CHGB: variants seen among roughly 807,000 people sequenced by gnomAD.
CHGB encodes the protein chromogranin B, also known as secretogranin-1.
Under a neutral mutation model 69.9 loss-of-function variants are expected in CHGB, and 46 were observed. The ratio of observed to expected loss-of-function variants is 0.66; its 90% CI spans 0.52 to 0.84. The LOEUF is 0.84. Ranked by LOEUF, CHGB falls within the 40% of genes least tolerant of loss-of-function variation. The pLI is 0.00. For missense variants in CHGB, 796 were observed against 822.2 expected, an observed-to-expected ratio of 0.97 and a Z score of 0.39; for synonymous variants, 312 against 298.2, an observed-to-expected ratio of 1.05 and a Z score of -0.48.
chr20:5,916,398 T>C, intron 2 of CHGB, 26 bp downstream of exon 2: 1 of 1,591,672 alleles, frequency 6.3e-7, no homozygotes. Flanking sequence ...AATCTTAGAA[T>C]CTAGACTTGT....
intron 1 of CHGB, among the ~76,000 whole-genome samples, chr20:5,913,656 G>T (rs2088459518): frequency 8.2e-6 from 1 of 121,894 alleles, no homozygotes; most frequent in Admixed American, 9.1e-5. Context: ...TTGAGACAGA[G>T]TCTTGCTCTG....
At position 5,911,573 on chromosome 20, in the gene CHGB, G is replaced by T; in HGVS notation, c.-61G>T. ...CCGCTCCATCGCGCCTTCCTCCTGC[G>T]CCTCGCTTCTCCGGTCCAGCCGCCA... On this transcript the variant is annotated 5_prime_UTR_variant, in exon 1 of 5. Transcript: ENST00000378961. 6.7e-7 allele frequency: 1 copy of T among 1,498,962 alleles called. No homozygotes were observed. Among genetic ancestry groups the T allele is most frequent in the Non-Finnish European group, 8.9e-7 (1 of 1,123,332 alleles). The allele number at this position is 1,498,962 out of a possible 1,614,324, so 92.9% of individuals were successfully genotyped here.
intron 3 of CHGB, 128 bp from the exon 4 acceptor site, chr20:5,922,207 C>A (rs4815876): frequency 0.38 from 476,625 of 1,259,208 alleles, 92,219 homozygotes; most frequent in East Asian, 0.53. Flanking sequence ...TGAGTATATT[C>A]TTCATTAACT....
At position 5,923,699 on chromosome 20, in the gene CHGB, G is replaced by C; in HGVS notation, c.1555G>C (p.Gly519Arg). 1 of 1,614,014 alleles carries C rather than the reference G, an allele frequency of 6.2e-7. No homozygotes were observed. The highest frequency in any genetic ancestry group is 8.5e-7 in the Non-Finnish European group (1 of 1,180,016). The change falls in exon 4 of 5, where the codon GGG becomes CGG. Residue 519 changes from glycine (G) to arginine (R), a missense_variant. Transcript: ENST00000378961. ...HHTAEKRKRL[G>R]ELFNPYYDPL... ...CACAGCTGAAAAGAGGAAGAGATTA[G>C]GGGAACTGTTCAACCCATACTACGA...
At position 5,918,726 on chromosome 20, in the gene CHGB, C is replaced by G. The variant is rs534963335; in HGVS notation, c.190+1807C>G. On this transcript the variant is annotated intron_variant, in intron 3 of 4. Coordinates refer to ENST00000378961, the MANE Select transcript of CHGB (RefSeq NM_001819.3). ...ACTCAGGAGGCTGAGGCAGGAGAAT[C>G]GCTTGAGCCCAGGAGGTGGAGGTTG... Among the ~76,000 whole-genome samples, 3 of 135,444 alleles carry G rather than the reference C, an allele frequency of 2.2e-5. No homozygotes were observed. The South Asian group carries it at 7.3e-4, about 33-fold the overall frequency. The allele number at this position is 135,444 out of a possible 152,430, so 88.9% of individuals were successfully genotyped here. A position where few individuals can be genotyped will look rare whatever the true frequency, so the allele number is the denominator to read the frequency against.
At chr20:5,916,210 T>C (rs2088474467) in intron 1 of CHGB, 116 bp from the exon 2 acceptor site, 2 of 729,752 alleles carry the variant, frequency 2.7e-6, no homozygotes, top group Non-Finnish European at 4.8e-6. Flanking sequence ...TCCAAATATA[T>C]TTAAGACATT....
At position 5,923,600 on chromosome 20, in the gene CHGB, C is replaced by A. The variant is rs750406045; in HGVS notation, c.1456C>A (p.Gln486Lys). 2.5e-6 allele frequency: 4 copies of A among 1,614,076 alleles called. No homozygotes were observed. Among genetic ancestry groups the A allele is most frequent in the Non-Finnish European group, 3.4e-6 (4 of 1,180,034 alleles). Residue 486 changes from glutamine (Q) to lysine (K), a missense_variant, in exon 4 of 5, where the codon CAG becomes AAG. Transcript: ENST00000378961. ...EEGAPGKWQQ[Q>K]GDLQDTKENR... is the part of the protein sequence containing the mutation. ...AGGAGCCCCAGGGAAGTGGCAGCAGCAGGGAGACCTGCAGGACACTAAAGA... is the reference window on the plus strand; with the variant it reads ...AGGAGCCCCAGGGAAGTGGCAGCAGAAGGGAGACCTGCAGGACACTAAAGA...
chr20:5,917,992 A>G (rs2088487118), intron 3 of CHGB: 1 of 150,862 alleles, frequency 6.6e-6, no homozygotes, highest in Non-Finnish European at 1.5e-5. Flanking sequence ...AAAAAAAAAA[A>G]AAAAAATTAG....
Position 5,916,860 on chromosome 20 carries a change from C to T in CHGB, c.131C>T (p.Ala44Val), listed in dbSNP as rs571444626. Residue 44 changes from alanine to valine, a missense_variant, in exon 3 of 5, where the codon GCC (alanine) becomes GTC (valine). By Grantham distance (64) the Ala-to-Val change is moderately conservative. Coordinates refer to ENST00000378961, the MANE Select transcript of CHGB (RefSeq NM_001819.3). ...TGCATCATTGAGGTCCTCTCAAATGCCTTGTCGAAGTCCAGCGCTCCACCC... is the reference window on the plus strand; with the variant it reads ...TGCATCATTGAGGTCCTCTCAAATGTCTTGTCGAAGTCCAGCGCTCCACCC... ...TRCIIEVLSN[A>V]LSKSSAPPIT... 3.9e-5 allele frequency: 63 copies of T among 1,614,184 alleles called. No individual in the cohort carries two copies. In the South Asian group the frequency reaches 5.9e-4, roughly 15 times the overall value.
Position 5,924,082 on chromosome 20 carries a change from A to T in CHGB, c.1938A>T (p.Thr646=), listed in dbSNP as rs141361105. 1.2e-5 allele frequency: 19 copies of T among 1,610,316 alleles called. No individual in the cohort carries two copies. The African/African-American group carries it at 2.5e-4, about 22-fold the overall frequency. The part of the protein sequence containing the change: ...AENEKDRADQ[T]VLTEDEKKEL... ...ATGAAAAGGACAGGGCTGACCAGACAGTCCTGACAGAGGACGAGGTATGGT... is the reference window on the plus strand; with the variant it reads ...ATGAAAAGGACAGGGCTGACCAGACTGTCCTGACAGAGGACGAGGTATGGT... The change falls in exon 4 of 5, where the codon ACA becomes ACT. Residue 646 remains threonine (T), a synonymous_variant. Coordinates refer to ENST00000378961, the MANE Select transcript of CHGB (RefSeq NM_001819.3).
rs1344618160 is a variant in CHGB at position 5,923,116 on chromosome 20, G to T, written c.972G>T (p.Lys324Asn). Residue 324 changes from lysine to asparagine, a missense_variant, in exon 4 of 5, where the codon AAG becomes AAT. Lys to Asn is a moderately conservative substitution (Grantham distance 94). Coordinates refer to ENST00000378961, the MANE Select transcript of CHGB (RefSeq NM_001819.3). The part of the protein sequence containing the change: ...SNVSMASLGE[K>N]RDHHSTHYRA... The stretch of plus-strand genomic sequence containing the variant: ...TCAGCATGGCCAGTTTAGGGGAAAA[G>T]AGGGACCACCATTCAACCCACTACA... 2 of 1,614,194 alleles carry T rather than the reference G, an allele frequency of 1.2e-6. No individual in the cohort carries two copies. Among genetic ancestry groups the T allele is most frequent in the Non-Finnish European group, 1.7e-6 (2 of 1,180,042 alleles).
At chr20:5,922,085 A>G (rs1227980608) in intron 3 of CHGB, among the ~76,000 whole-genome samples, 1 of 152,226 alleles carries the variant, frequency 6.6e-6, no homozygotes, top group Non-Finnish European at 1.5e-5. Flanking sequence ...CATTGGTAGT[A>G]CCAATGAGAG....
rs1472297878 is a variant in CHGB, at chr20:5,922,774, AGAG to A, written c.634_636del (p.Glu212del). 1.2e-6 allele frequency: 2 copies of A among 1,614,086 alleles called. No homozygotes were observed. Among genetic ancestry groups the A allele is most frequent in the Non-Finnish European group, 1.7e-6 (2 of 1,180,044 alleles). On this transcript the variant is annotated inframe_deletion, in exon 4 of 5. Transcript: ENST00000378961. The stretch of plus-strand genomic sequence containing the variant: ...GAAAGCAGGCTTCAGCTATAAAAAA[AGAG>A]GAGTTAGTGGCCAGATCGGAAACAC...
intron 3 of CHGB, 73 bp from the exon 4 acceptor site, chr20:5,922,262 T>A: frequency 6.8e-7 from 1 of 1,471,450 alleles, no homozygotes; most frequent in Non-Finnish European, 9.0e-7. Flanking sequence ...GGATTTGTAG[T>A]GATTACTGAG....
Position 5,911,546 on chromosome 20 carries a change from G to T in CHGB, c.-88G>T. 6 of 1,393,586 alleles carry T rather than the reference G, an allele frequency of 4.3e-6. No individual in the cohort carries two copies. The highest frequency in any genetic ancestry group is 5.8e-6 in the Non-Finnish European group (6 of 1,031,622). The allele number at this position is 1,393,586 out of a possible 1,614,324, so 86.3% of individuals were successfully genotyped here. A position where few individuals can be genotyped will look rare whatever the true frequency, so the allele number is the denominator to read the frequency against. On this transcript the variant is annotated 5_prime_UTR_variant, in exon 1 of 5. Coordinates refer to ENST00000378961, the MANE Select transcript of CHGB (RefSeq NM_001819.3). Reference sequence around the variant, plus strand: ...ACCAGGAGGCACGCTGGTTTTCCGGGGCCGCTCCATCGCGCCTTCCTCCTG... The same window carrying T: ...ACCAGGAGGCACGCTGGTTTTCCGGTGCCGCTCCATCGCGCCTTCCTCCTG...
intron 1 of CHGB, 33 bp downstream of exon 1, chr20:5,911,715 G>C (rs2088447889): frequency 7.1e-7 from 1 of 1,403,310 alleles, no homozygotes; most frequent in Non-Finnish European, 9.2e-7. Flanking sequence ...TCAGCACCGC[G>C]GACAGCGCCA....
chr20:5,922,872 C>T lies in CHGB; in HGVS notation c.728C>T (p.Thr243Ile), dbSNP rs1352309747. 1 of 1,613,602 alleles carries T rather than the reference C, an allele frequency of 6.2e-7. No individual in the cohort carries two copies. Among genetic ancestry groups the T allele is most frequent in the African/African-American group, 1.3e-5 (1 of 74,868 alleles). Residue 243 changes from threonine (T) to isoleucine (I), a missense_variant, in exon 4 of 5, where the codon ACA becomes ATA. Physicochemically the swap from Thr to Ile is moderately conservative, Grantham distance 89 (BLOSUM62 -1). Coordinates refer to ENST00000378961, the MANE Select transcript of CHGB (RefSeq NM_001819.3). ...EKSSQESGEE[T>I]GSQENHPQES... is the part of the protein sequence containing the mutation. ...AGTAGCCAGGAGAGTGGAGAGGAGA[C>T]AGGGAGCCAGGAGAATCACCCCCAG...
chr20:5,916,679 T>C, intron 2 of CHGB, 147 bp from the exon 3 acceptor site: 1 of 742,116 alleles, frequency 1.3e-6, no homozygotes, highest in South Asian at 1.7e-5. Context: ...GATTTCATTC[T>C]GTTCCTGTAA....
chr20:5,916,378 T>A lies in CHGB; in HGVS notation c.96+6T>A, dbSNP rs746573050. The stretch of plus-strand genomic sequence containing the variant: ...GGAACCACAATGAAGGAATGGTAAG[T>A]TGCAATGTCAATCTTAGAATCTAGA... On this transcript the variant is annotated splice_donor_region_variant and intron_variant, in intron 2 of 4. Coordinates refer to ENST00000378961, the MANE Select transcript of CHGB (RefSeq NM_001819.3). The A allele has an allele frequency of 1.9e-6, 3 of 1,610,882 alleles. No individual in the cohort carries two copies. Among genetic ancestry groups the A allele is most frequent in the Non-Finnish European group, 2.5e-6 (3 of 1,177,268 alleles).
Sources: gnomAD v4.1 joint callset for allele counts (sites outside exome capture counted in the v4.1 genomes callset) on GRCh38, gnomAD v4.1.1 for gene constraint, MANE v1.5 for transcripts, NCBI Gene and HGNC (gene_info 2026-07-23, HGNC 2026-07-21) for gene names.